CDC42BPB: variants seen among roughly 807,000 people sequenced by gnomAD.
CDC42BPB encodes serine/threonine-protein kinase MRCK beta.
In CDC42BPB, 37 loss-of-function variants were observed where a neutral mutation model predicts 214.9. That is an observed-to-expected ratio of 0.17 (90% CI 0.13 to 0.23). The LOEUF is 0.23. CDC42BPB is among the 10% of genes least tolerant of loss of function. CDC42BPB has a pLI of 1.00. For missense variants in CDC42BPB, 1,694 were observed against 2,227.0 expected (o/e 0.76, Z 4.82); for synonymous variants, 931 against 884.0 (o/e 1.05, Z -0.94).
chr14:103,032,663 C>T (rs543158660), intron 1 of CDC42BPB, among the ~76,000 whole-genome samples: 7 of 134,748 alleles, frequency 5.2e-5, no homozygotes, highest in East Asian at 2.2e-4. Flanking sequence ...GACGGAGTCT[C>T]GCTCTGTTAC....
intron 16 of CDC42BPB, chr14:102,967,458 A>G (rs1893262582): frequency 1.7e-6 from 1 of 595,828 alleles, no homozygotes. Flanking sequence ...ACATGACTCC[A>G]TTCAAAAATT....
At position 102,980,862 on chromosome 14, in the gene CDC42BPB, G is replaced by T; in HGVS notation, c.1051C>A (p.Arg351=). The T allele has an allele frequency of 6.2e-7, 1 of 1,614,110 alleles. No individual in the cohort carries two copies. Among genetic ancestry groups the T allele is most frequent in the East Asian group, 2.2e-5 (1 of 44,882 alleles). The change falls in exon 8 of 37, where the codon CGA becomes AGA. Residue 351 remains arginine, a synonymous_variant. Coordinates refer to ENST00000361246, the MANE Select transcript of CDC42BPB (RefSeq NM_006035.4). ...FFEGLNWENI[R]NLEAPYIPDV... ...GGAATATAAGGTGCTTCTAGGTTTC[G>T]TATATTTTCCCAATTTAGACCTTCA...
rs1160375119 is a variant in CDC42BPB at position 102,933,644 on chromosome 14, C to T, written c.*68G>A. The T allele has an allele frequency of 1.7e-5, 22 of 1,271,802 alleles. No homozygotes were observed. The highest frequency in any genetic ancestry group is 2.0e-5 in the Non-Finnish European group (20 of 980,850). 78.8% of individuals were successfully genotyped at this position (1,271,802 alleles called of 1,614,324 possible). On this transcript the variant is annotated 3_prime_UTR_variant, in exon 37 of 37. Coordinates refer to ENST00000361246, the MANE Select transcript of CDC42BPB (RefSeq NM_006035.4). ...TTTCCTTGGACAACACTGGAGGGCCCGCTCAGTCTTGGCACTGACGCTGGA... is the reference window on the plus strand; with the variant it reads ...TTTCCTTGGACAACACTGGAGGGCCTGCTCAGTCTTGGCACTGACGCTGGA...
intron 1 of CDC42BPB, among the ~76,000 whole-genome samples, chr14:103,051,413 AGT>A (rs1474740803): frequency 3.4e-5 from 5 of 147,300 alleles, no homozygotes; most frequent in African/African-American, 1.3e-4. Context: ...CATTGTTTTT[AGT>A]CTCTTCCAGC....
chr14:102,958,254 C>T (rs183989527), intron 21 of CDC42BPB, among the ~76,000 whole-genome samples: 264 of 152,264 alleles, frequency 1.7e-3, no homozygotes, highest in African/African-American at 6.1e-3. Flanking sequence ...ATGCCCCAAT[C>T]GTAGGAAATA....
Position 102,933,777 on chromosome 14 carries a change from G to A in CDC42BPB, c.5071C>T (p.Pro1691Ser). The A allele has an allele frequency of 6.7e-7, 1 of 1,502,306 alleles. No homozygotes were observed. The highest frequency in any genetic ancestry group is 2.7e-5 in the East Asian group (1 of 37,334). The allele number at this position is 1,502,306 out of a possible 1,614,324, so 93.1% of individuals were successfully genotyped here. The change falls in exon 37 of 37, where the codon CCC becomes TCC. Residue 1691 changes from proline to serine, a missense_variant. By Grantham distance (74) the Pro-to-Ser change is moderately conservative. Transcript: ENST00000361246. ...NSSNPSGPPSPNSPHRSQLPL... is the reference protein window; with the variant it reads ...NSSNPSGPPSSNSPHRSQLPL... Reference sequence around the variant, plus strand: ...AGCTGGCTCCTGTGGGGGGAGTTGGGGCTCGGTGGGCCGCTGGGGTTGGAG... The same window carrying A: ...AGCTGGCTCCTGTGGGGGGAGTTGGAGCTCGGTGGGCCGCTGGGGTTGGAG...
rs1888769283 is a variant in CDC42BPB at position 103,053,678 on chromosome 14, C to CTGGT, written c.175+3320_175+3321insACCA. ...TCAGGAGGCTGAGGCAGGAGAACAA[C>CTGGT]GTGAACCCGGGAGGCAGAGCTTGCA... On this transcript the variant is annotated intron_variant, in intron 1 of 36. Coordinates refer to ENST00000361246, the MANE Select transcript of CDC42BPB (RefSeq NM_006035.4). Among the ~76,000 whole-genome samples the CTGGT allele has an allele frequency of 1.4e-4, 21 of 150,112 alleles. No homozygotes were observed. In the South Asian group the frequency reaches 2.4e-3, roughly 17 times the overall value.
In CDC42BPB at chr14:102,946,450, A is replaced by G; in HGVS notation, c.3748+18T>C. The G allele has an allele frequency of 1.2e-6, 2 of 1,612,182 alleles. No homozygotes were observed. The highest frequency in any genetic ancestry group is 1.7e-6 in the Non-Finnish European group (2 of 1,179,854). On this transcript the variant is annotated intron_variant, in intron 28 of 36. Coordinates refer to ENST00000361246, the MANE Select transcript of CDC42BPB (RefSeq NM_006035.4). ...CTGTTGCTTCAGACACCTGAAGGAC[A>G]CAACCTTTGGGACGTACCCACGATG...
intron 5 of CDC42BPB, among the ~76,000 whole-genome samples, chr14:102,992,811 AAT>A (rs955991944): frequency 6.7e-6 from 1 of 148,382 alleles, no homozygotes; most frequent in African/African-American, 2.4e-5. Context: ...ATATATTAAA[AAT>A]ATATATTTTA....
At chr14:102,953,410 G>A (rs1214978890) in intron 23 of CDC42BPB, among the ~76,000 whole-genome samples, 7 of 152,212 alleles carry the variant, frequency 4.6e-5, no homozygotes, top group Middle Eastern at 3.2e-3. Context: ...ACGACCTCGC[G>A]ACTTGGTCCC....
At chr14:102,954,344 G>A (rs1892623085) in intron 22 of CDC42BPB, 69 bp from the exon 23 acceptor site, 3 of 1,438,088 alleles carry the variant, frequency 2.1e-6, no homozygotes, top group African/African-American at 1.4e-5. Flanking sequence ...GCCCTACGGG[G>A]TGCACTTCTC....
At chr14:103,049,266 T>C (rs543125102) in intron 1 of CDC42BPB, among the ~76,000 whole-genome samples, 11 of 152,328 alleles carry the variant, frequency 7.2e-5, no homozygotes, top group Non-Finnish European at 1.3e-4. Flanking sequence ...GGATCTTCTA[T>C]AGTAACATCC....
At position 103,031,780 on chromosome 14, in the gene CDC42BPB, T is replaced by C. The variant is rs1703151060; in HGVS notation, c.176-19592A>G. Among the ~76,000 whole-genome samples the C allele has an allele frequency of 2.6e-5, 4 of 152,214 alleles. No individual in the cohort carries two copies. The South Asian group carries it at 8.3e-4, about 32-fold the overall frequency. On this transcript the variant is annotated intron_variant, in intron 1 of 36. Transcript: ENST00000361246. ...CCCGTCTGGCTTCTAAGGGCTGGAT[T>C]CCGGAAACCAACTAAAAAGCTGATG...
chr14:103,008,383 G>A, intron 3 of CDC42BPB, 89 bp downstream of exon 3: 2 of 854,200 alleles, frequency 2.3e-6, no homozygotes, highest in South Asian at 2.8e-5. Flanking sequence ...GGGCTGTGGG[G>A]TGGCTGCAGC....
At chr14:103,019,001 T>C (rs1595153208) in intron 1 of CDC42BPB, among the ~76,000 whole-genome samples, 1 of 152,126 alleles carries the variant, frequency 6.6e-6, no homozygotes, top group Admixed American at 6.5e-5. Context: ...TGGAGTGCAG[T>C]GGAGTGATCA....
At position 102,933,862 on chromosome 14, in the gene CDC42BPB, C is replaced by T. The variant is rs778703289; in HGVS notation, c.5005-19G>A. On this transcript the variant is annotated intron_variant, in intron 36 of 36. Transcript: ENST00000361246. ...AATCAGGCTGTGAACAGGAAGAGGGCAGGGTGAGCACCCGCTGCCCTAGCC... is the reference window on the plus strand; with the variant it reads ...AATCAGGCTGTGAACAGGAAGAGGGTAGGGTGAGCACCCGCTGCCCTAGCC... The T allele has an allele frequency of 6.6e-6, 10 of 1,503,960 alleles. No homozygotes were observed. Among genetic ancestry groups the T allele is most frequent in the Non-Finnish European group, 7.9e-6 (9 of 1,134,524 alleles). 93.2% of individuals were successfully genotyped at this position (1,503,960 alleles called of 1,614,324 possible). A position where few individuals can be genotyped will look rare whatever the true frequency, so the allele number is the denominator to read the frequency against.
At position 102,940,721 on chromosome 14, in the gene CDC42BPB, G is replaced by A. The variant is rs867393934; in HGVS notation, c.4409-397C>T. On this transcript the variant is annotated intron_variant, in intron 30 of 36. Coordinates refer to ENST00000361246, the MANE Select transcript of CDC42BPB (RefSeq NM_006035.4). ...TCAGTATGGTGAGGCTAATTCTTCC[G>A]TAGGAGATGGCAAGTCCGGTTTCCA... 17 of 248,260 alleles carry A rather than the reference G, an allele frequency of 6.8e-5. No individual in the cohort carries two copies. In the East Asian group the frequency reaches 1.3e-3, roughly 19 times the overall value. 15.4% of individuals were successfully genotyped at this position (248,260 alleles called of 1,614,324 possible). A position where few individuals can be genotyped will look rare whatever the true frequency, so the allele number is the denominator to read the frequency against.
At chr14:103,056,891 G>A (rs1175471178) in intron 1 of CDC42BPB, 108 bp downstream of exon 1, 4 of 756,908 alleles carry the variant, frequency 5.3e-6, no homozygotes, top group Non-Finnish European at 7.6e-6. Flanking sequence ...TGGGTGGGCA[G>A]GAGGGCGGCA....
At chr14:102,972,451 CCAAGG>C in intron 12 of CDC42BPB, 1 of 395,414 alleles carries the variant, frequency 2.5e-6, no homozygotes, top group Non-Finnish European at 3.4e-6. Context: ...CTTTTGGAGG[CCAAGG>C]TGGGCGGGTC....
Sources: allele counts gnomAD v4.1 joint callset (sites outside exome capture counted in the v4.1 genomes callset), GRCh38; gene constraint gnomAD v4.1.1; transcripts MANE v1.5; gene names NCBI Gene and HGNC (gene_info 2026-07-23, HGNC 2026-07-21).